The following DLGAP2 variants were observed in gnomAD, a reference collection of about 807,000 sequenced individuals.
The protein encoded by DLGAP2 is disks large-associated protein 2.
In DLGAP2, 26 loss-of-function variants were observed where a neutral mutation model predicts 100.3. The ratio of observed to expected loss-of-function variants is 0.26; its 90% CI spans 0.19 to 0.36. The LOEUF (loss-of-function observed/expected upper bound fraction) is 0.36, where lower values mean the gene tolerates loss of function less well. Among genes scored for constraint, DLGAP2 ranks in the 10% least tolerant of loss-of-function variants. DLGAP2 has a pLI of 1.00. For synonymous variants in DLGAP2, 886 were observed against 630.1 expected (o/e 1.41, Z -6.08); for missense variants, 1,858 against 1,453.2 (o/e 1.28, Z -4.53).
chr8:879,649 C>T (rs1041449287), intron 1 of DLGAP2, among the ~76,000 whole-genome samples: 3 of 152,184 alleles, frequency 2.0e-5, no homozygotes, highest in Non-Finnish European at 4.4e-5. Flanking sequence ...GTGCTACAAC[C>T]TCCCTTCTGA....
intron 5 of DLGAP2, among the ~76,000 whole-genome samples, chr8:1,557,091 A>T (rs1801990963): frequency 6.6e-6 from 1 of 152,120 alleles, no homozygotes; most frequent in African/African-American, 2.4e-5. Flanking sequence ...GGGGATGTTG[A>T]GCAGCATTTC....
At chr8:1,139,527 T>C (rs1047860942) in intron 2 of DLGAP2, among the ~76,000 whole-genome samples, 1 of 152,136 alleles carries the variant, frequency 6.6e-6, no homozygotes, top group Non-Finnish European at 1.5e-5. Flanking sequence ...AGCCCCACCC[T>C]CTCAACCTAG....
chr8:905,705 C>T (rs981328335), intron 1 of DLGAP2, among the ~76,000 whole-genome samples: 4 of 152,080 alleles, frequency 2.6e-5, no homozygotes, highest in African/African-American at 4.8e-5. Flanking sequence ...GGGGTGGTCA[C>T]GGGAGCTGCG....
intron 3 of DLGAP2, among the ~76,000 whole-genome samples, chr8:1,372,766 T>C (rs1802276408): frequency 6.6e-6 from 1 of 152,220 alleles, no homozygotes; most frequent in Non-Finnish European, 1.5e-5. Flanking sequence ...TAAACTCTTA[T>C]TAATTGTACT....
At chr8:1,654,632 G>A (rs1324306936) in intron 8 of DLGAP2, among the ~76,000 whole-genome samples, 1 of 145,316 alleles carries the variant, frequency 6.9e-6, no homozygotes, top group East Asian at 2.1e-4. Flanking sequence ...TTGCACTCCA[G>A]CCTGGGTGAC....
Position 1,313,773 on chromosome 8 carries a change from A to G in DLGAP2, c.106+54890A>G, listed in dbSNP as rs117871550. On this transcript the variant is annotated intron_variant, in intron 3 of 14. Transcript: ENST00000637795. ...ATATCAGATGTAGGAAGGCTGAATTATGTCTGGGGAGGGGAGAAGGAAGCA... is the reference window on the plus strand; with the variant it reads ...ATATCAGATGTAGGAAGGCTGAATTGTGTCTGGGGAGGGGAGAAGGAAGCA... Among the ~76,000 whole-genome samples, 681 of 152,248 alleles carry G rather than the reference A, an allele frequency of 4.5e-3. 4 individuals carry two copies. Among genetic ancestry groups the G allele is most frequent in the Middle Eastern group, 0.017 (5 of 294 alleles).
intron 2 of DLGAP2, among the ~76,000 whole-genome samples, chr8:1,063,820 T>G (rs1563171971): frequency 6.6e-6 from 1 of 152,216 alleles, no homozygotes; most frequent in Non-Finnish European, 1.5e-5. Flanking sequence ...GCTCGGTGCC[T>G]CTCCACACGG....
chr8:1,493,014 G>A (rs1021303948), intron 3 of DLGAP2, among the ~76,000 whole-genome samples: 7 of 152,194 alleles, frequency 4.6e-5, no homozygotes, highest in African/African-American at 1.2e-4. Context: ...TCACCCAGGC[G>A]AGAGAAAATG....
At chr8:851,544 T>A (rs879296729) in intron 1 of DLGAP2, among the ~76,000 whole-genome samples, 3 of 152,244 alleles carry the variant, frequency 2.0e-5, no homozygotes, top group Non-Finnish European at 4.4e-5. Flanking sequence ...TAATTTTTTG[T>A]GTATTTTATT....
At chr8:1,593,183 G>T (rs933808961) in intron 6 of DLGAP2, among the ~76,000 whole-genome samples, 1 of 152,084 alleles carries the variant, frequency 6.6e-6, no homozygotes, top group South Asian at 2.1e-4. Context: ...GGCCTGGCGT[G>T]GTGGCTCACT....
rs1041730587 is a variant in DLGAP2 at position 1,101,882 on chromosome 8, C to A, written c.74-156969C>A. On this transcript the variant is annotated intron_variant, in intron 2 of 14. Transcript: ENST00000637795. ...CGACGATGGGAAGGTCCTCGTCACCCCTGAGCCGAACACGACACGATGATG... is the reference window on the plus strand; with the variant it reads ...CGACGATGGGAAGGTCCTCGTCACCACTGAGCCGAACACGACACGATGATG... 1.0e-4 allele frequency among the ~76,000 whole-genome samples: 14 copies of A among 136,938 alleles called. No individual in the cohort carries two copies. The East Asian group carries it at 1.8e-3, about 18-fold the overall frequency. The allele number at this position is 136,938 out of a possible 152,430, so 89.8% of individuals were successfully genotyped here.
intron 2 of DLGAP2, among the ~76,000 whole-genome samples, chr8:971,021 G>A (rs564112044): frequency 3.6e-4 from 55 of 152,248 alleles, no homozygotes; most frequent in Admixed American, 8.5e-4. Context: ...CAGTAGTGTG[G>A]CTCTCCTGTT....
intron 2 of DLGAP2, chr8:1,250,230 C>T (rs1799007850): frequency 6.6e-6 from 1 of 152,304 alleles, no homozygotes; most frequent in East Asian, 1.9e-4. Context: ...CCAGAAACAC[C>T]CCAAAGTCAG....
At chr8:775,162 G>C (rs1821480483) in intron 1 of DLGAP2, among the ~76,000 whole-genome samples, 1 of 151,680 alleles carries the variant, frequency 6.6e-6, no homozygotes, top group Non-Finnish European at 1.5e-5. Flanking sequence ...TCTGTTATTG[G>C]TGTATAAGAA....
At chr8:1,330,498 A>G (rs1485328402) in intron 3 of DLGAP2, among the ~76,000 whole-genome samples, 1 of 135,362 alleles carries the variant, frequency 7.4e-6, no homozygotes, top group African/African-American at 2.9e-5. Context: ...TTTGGGTGGG[A>G]GCACCGCTTC....
At chr8:1,649,783 G>A (rs1798123042) in intron 8 of DLGAP2, among the ~76,000 whole-genome samples, 1 of 152,244 alleles carries the variant, frequency 6.6e-6, no homozygotes, top group East Asian at 1.9e-4. Context: ...CGTAAGTCAT[G>A]GGAAAGCTTT....
rs7009709 is a variant in DLGAP2, at chr8:1,568,911, C to T, written c.1442+3017C>T. ...TCTGCCTGCGGCCCCCATGCCACTG[C>T]CCACTCAGCAGACACAAATCCACTC... On this transcript the variant is annotated intron_variant, in intron 6 of 14. Transcript: ENST00000637795. 7.4e-3 allele frequency among the ~76,000 whole-genome samples: 299 copies of T among 40,496 alleles called. 2 individuals are homozygous for T. The highest frequency in any genetic ancestry group is 0.011 in the Admixed American group (32 of 2,860). The allele number at this position is 40,496 out of a possible 152,430, so 26.6% of individuals were successfully genotyped here. A position where few individuals can be genotyped will look rare whatever the true frequency, so the allele number is the denominator to read the frequency against.
intron 1 of DLGAP2, among the ~76,000 whole-genome samples, chr8:783,906 A>G (rs1394566941): frequency 6.6e-6 from 1 of 152,230 alleles, no homozygotes; most frequent in Non-Finnish European, 1.5e-5. Context: ...CATAATTAAA[A>G]GAGGATATCA....
intron 12 of DLGAP2, among the ~76,000 whole-genome samples, chr8:1,685,972 C>T (rs1799104055): frequency 6.6e-6 from 1 of 152,276 alleles, no homozygotes; most frequent in East Asian, 1.9e-4. Context: ...TTGCACACTG[C>T]TGGTTGGAAT....
Sources: gnomAD v4.1 joint callset for allele counts (sites outside exome capture counted in the v4.1 genomes callset) on GRCh38, gnomAD v4.1.1 for gene constraint, MANE v1.5 for transcripts, NCBI Gene and HGNC (gene_info 2026-07-23, HGNC 2026-07-21) for gene names.